ELAPOR2: variants seen among roughly 807,000 people sequenced by gnomAD.
The protein encoded by ELAPOR2 is endosome-lysosome associated apoptosis and autophagy regulator family member 2.
In ELAPOR2, 89 loss-of-function variants were observed where a neutral mutation model predicts 120.7. That is an observed-to-expected ratio of 0.74 (90% confidence interval 0.62 to 0.88). The LOEUF (loss-of-function observed/expected upper bound fraction) is 0.88, where lower values mean the gene tolerates loss of function less well. Among genes scored for constraint, ELAPOR2 ranks in the 40% least tolerant of loss-of-function variants. The pLI, the probability that ELAPOR2 is intolerant of heterozygous loss-of-function variation, is 0.00. For synonymous variants in ELAPOR2, 444 were observed against 444.9 expected (o/e 1.00, Z 0.03); for missense variants, 1,134 against 1,251.6 (o/e 0.91, Z 1.42).
At chr7:86,979,655 G>A (rs1335195976) in intron 1 of ELAPOR2, among the ~76,000 whole-genome samples, 2 of 152,152 alleles carry the variant, frequency 1.3e-5, no homozygotes, top group Non-Finnish European at 2.9e-5. Context: ...GCAAGACAGG[G>A]TATAGAGTAA....
In ELAPOR2 at chr7:86,913,006, A is replaced by T. The variant is rs777441662; in HGVS notation, c.1930T>A (p.Ser644Thr). The T allele has an allele frequency of 6.2e-7, 1 of 1,613,994 alleles. No homozygotes were observed. The highest frequency in any genetic ancestry group is 8.5e-7 in the Non-Finnish European group (1 of 1,179,912). The change falls in exon 14 of 22, where the codon TCC becomes ACC. Residue 644 changes from serine (S) to threonine (T), a missense_variant. Coordinates refer to ENST00000450689, the MANE Select transcript of ELAPOR2 (RefSeq NM_001142749.3). ...CKECPPDTYL[S>T]IHQVYGKEAC... is the part of the protein sequence containing the mutation. Reference sequence around the variant, plus strand: ...TCTTTGCCATAGACCTGATGTATGGACAGGTAGGTGTCAGGTGGACATTCC... The same window carrying T: ...TCTTTGCCATAGACCTGATGTATGGTCAGGTAGGTGTCAGGTGGACATTCC...
intron 1 of ELAPOR2, among the ~76,000 whole-genome samples, chr7:86,989,609 T>G (rs1792874488): frequency 6.6e-6 from 1 of 152,186 alleles, no homozygotes; most frequent in Non-Finnish European, 1.5e-5. Flanking sequence ...GATTTTCGTT[T>G]TTAGCCCACA....
intron 1 of ELAPOR2, among the ~76,000 whole-genome samples, chr7:86,990,707 A>G (rs1245251131): frequency 2.6e-5 from 4 of 152,208 alleles, no homozygotes; most frequent in Non-Finnish European, 5.9e-5. Context: ...TCTGAGGACC[A>G]CAAGAGCACA....
chr7:86,920,175 A>T (rs192169098), intron 10 of ELAPOR2, among the ~76,000 whole-genome samples: 235 of 152,310 alleles, frequency 1.5e-3, no homozygotes, highest in Middle Eastern at 6.8e-3. Context: ...AACAATTTAT[A>T]CAGAGATGAT....
At chr7:86,948,732 A>G (rs1304673819) in intron 2 of ELAPOR2, among the ~76,000 whole-genome samples, 1 of 152,078 alleles carries the variant, frequency 6.6e-6, no homozygotes. Flanking sequence ...TTGACACACT[A>G]CAAAAAAAGA....
chr7:86,988,232 G>A (rs533000127), intron 1 of ELAPOR2, among the ~76,000 whole-genome samples: 107 of 152,222 alleles, frequency 7.0e-4, no homozygotes, highest in African/African-American at 2.5e-3. Context: ...AGCACTGGGA[G>A]AAATACCTAA....
At chr7:87,011,847 C>G (rs1793692094) in intron 1 of ELAPOR2, among the ~76,000 whole-genome samples, 2 of 152,130 alleles carry the variant, frequency 1.3e-5, no homozygotes, top group South Asian at 4.1e-4. Context: ...AACATCTGTA[C>G]CAGCTATATA....
chr7:86,924,024 TCCCAGGGGACAGGCTGCCCCTGTG>T (rs1050222682), intron 10 of ELAPOR2, among the ~76,000 whole-genome samples: 6 of 152,038 alleles, frequency 3.9e-5, no homozygotes, highest in African/African-American at 1.4e-4. Context: ...TGGGTGACTA[TCCCAGGGGACAGGCTGCCCCTGTG>T]CCTCTCCATT....
chr7:86,888,183 A>T (rs1799782410), intron 21 of ELAPOR2, among the ~76,000 whole-genome samples: 1 of 152,094 alleles, frequency 6.6e-6, no homozygotes, highest in Non-Finnish European at 1.5e-5. Context: ...CATGGCCCAC[A>T]TGGACAAAGC....
chr7:87,003,135 G>C (rs1164474503), intron 1 of ELAPOR2, among the ~76,000 whole-genome samples: 3 of 152,040 alleles, frequency 2.0e-5, no homozygotes, highest in Non-Finnish European at 4.4e-5. Flanking sequence ...ATAACACAAA[G>C]AGCATTTCTC....
At chr7:86,905,164 G>A (rs1336489332) in intron 18 of ELAPOR2, among the ~76,000 whole-genome samples, 1 of 144,702 alleles carries the variant, frequency 6.9e-6, no homozygotes, top group Admixed American at 6.8e-5. Flanking sequence ...GAGAAAGAGA[G>A]AAAGAAAGAA....
At chr7:87,023,806 T>C (rs1794147146) in intron 1 of ELAPOR2, among the ~76,000 whole-genome samples, 1 of 152,178 alleles carries the variant, frequency 6.6e-6, no homozygotes, top group Non-Finnish European at 1.5e-5. Flanking sequence ...GATTCCTAGG[T>C]ATTTTATTTG....
At chr7:86,911,712 G>A (rs1022701687) in intron 15 of ELAPOR2, 1 of 467,840 alleles carries the variant, frequency 2.1e-6, no homozygotes, top group African/African-American at 2.0e-5. Flanking sequence ...ACACAAAATT[G>A]ACAACATAAA....
chr7:86,904,934 T>C (rs1223391695), intron 18 of ELAPOR2, among the ~76,000 whole-genome samples: 1 of 152,052 alleles, frequency 6.6e-6, no homozygotes, highest in African/African-American at 2.4e-5. Flanking sequence ...TTCTGAGACT[T>C]TTTGGTCAGC....
chr7:86,895,441 T>C (rs1431163058), intron 19 of ELAPOR2, among the ~76,000 whole-genome samples: 1 of 152,102 alleles, frequency 6.6e-6, no homozygotes, highest in Non-Finnish European at 1.5e-5. Flanking sequence ...CCAAAACTGG[T>C]ATCTAAGCAT....
chr7:87,036,499 A>G (rs1382843242), intron 1 of ELAPOR2, among the ~76,000 whole-genome samples: 1 of 152,144 alleles, frequency 6.6e-6, no homozygotes, highest in African/African-American at 2.4e-5. Flanking sequence ...GGTTTGCTGA[A>G]CTATTCACAA....
chr7:87,009,998 GAAAGA>G (rs1554404557), intron 1 of ELAPOR2, among the ~76,000 whole-genome samples: 2 of 151,930 alleles, frequency 1.3e-5, no homozygotes, highest in Non-Finnish European at 2.9e-5. Flanking sequence ...AAGAAAGAAA[GAAAGA>G]AAAAAAGTCC....
At chr7:86,884,023 G>A (rs992253594) in intron 21 of ELAPOR2, among the ~76,000 whole-genome samples, 11 of 152,096 alleles carry the variant, frequency 7.2e-5, no homozygotes, top group East Asian at 3.9e-4. Context: ...ATGGAGGGAC[G>A]GATATGTAAT....
rs73382378 is a variant in ELAPOR2 at position 86,908,434 on chromosome 7, C to T, written c.2456+13G>A. 8,770 of 1,399,138 alleles carry T rather than the reference C, an allele frequency of 6.3e-3. 388 individuals are homozygous for T. In the African/African-American group the frequency reaches 0.098, roughly 16 times the overall value. The allele number at this position is 1,399,138 out of a possible 1,614,324, so 86.7% of individuals were successfully genotyped here. On this transcript the variant is annotated intron_variant, in intron 17 of 21. Coordinates refer to ENST00000450689, the MANE Select transcript of ELAPOR2 (RefSeq NM_001142749.3). The stretch of plus-strand genomic sequence containing the variant: ...GTTAAAATATAGTCAAGGGAAACAG[C>T]ATCTTCACTTACTTATAAAAGAAAT...
Sources: allele counts gnomAD v4.1 joint callset (sites outside exome capture counted in the v4.1 genomes callset), GRCh38; gene constraint gnomAD v4.1.1; transcripts MANE v1.5; gene names NCBI Gene and HGNC (gene_info 2026-07-23, HGNC 2026-07-21).